The following DCLK1 variants were observed in gnomAD, a reference collection of about 807,000 sequenced individuals.
DCLK1 encodes the protein doublecortin like kinase 1.
DCLK1 carries 16 observed loss-of-function variants against 86.2 expected under a neutral mutation model. The observed-to-expected ratio is 0.19, with a 90% CI of 0.13 to 0.28. The LOEUF (loss-of-function observed/expected upper bound fraction) is 0.28, where lower values mean the gene tolerates loss of function less well. DCLK1 is among the 10% of genes least tolerant of loss of function. The probability of loss-of-function intolerance (pLI) is 1.00; values close to 1 mark genes in which losing one functional copy is unlikely to be tolerated. For missense variants in DCLK1, 590 were observed against 940.2 expected, an observed-to-expected ratio of 0.63 and a Z score of 4.87; for synonymous variants, 369 against 370.5, an observed-to-expected ratio of 1.00 and a Z score of 0.05.
intron 16 of DCLK1, among the ~76,000 whole-genome samples, chr13:35,783,458 T>A (rs2153098086): frequency 6.6e-6 from 1 of 152,296 alleles, no homozygotes; most frequent in South Asian, 2.1e-4. Flanking sequence ...ACAGAGAATG[T>A]AACTCGCCCA....
chr13:36,036,532 C>A (rs1285087987), intron 3 of DCLK1, among the ~76,000 whole-genome samples: 1 of 152,132 alleles, frequency 6.6e-6, no homozygotes, highest in African/African-American at 2.4e-5. Flanking sequence ...CACTAGACCA[C>A]CATTTACTAC....
intron 3 of DCLK1, among the ~76,000 whole-genome samples, chr13:36,015,357 A>C (rs1881499622): frequency 1.3e-5 from 2 of 152,218 alleles, no homozygotes; most frequent in African/African-American, 4.8e-5. Flanking sequence ...GCTGTTTTGC[A>C]GTAAAACCTG....
intron 3 of DCLK1, among the ~76,000 whole-genome samples, chr13:35,967,491 T>C (rs1432566519): frequency 1.3e-5 from 2 of 152,258 alleles, no homozygotes; most frequent in African/African-American, 4.8e-5. Context: ...AGAAAAATTC[T>C]TCTGCCTTGG....
At chr13:36,050,951 C>T (rs1883100813) in intron 3 of DCLK1, among the ~76,000 whole-genome samples, 1 of 152,050 alleles carries the variant, frequency 6.6e-6, no homozygotes, top group Non-Finnish European at 1.5e-5. Context: ...TTAAACTTGG[C>T]CTGTAAGCCC....
chr13:35,866,483 C>T (rs1871799586), intron 5 of DCLK1, among the ~76,000 whole-genome samples: 1 of 83,068 alleles, frequency 1.2e-5, no homozygotes, highest in African/African-American at 4.2e-5. Context: ...GACAGGGTCT[C>T]ACTCAGTCAT....
chr13:36,027,682 C>G lies in DCLK1; in HGVS notation c.724-80225G>C, dbSNP rs140169915. Among the ~76,000 whole-genome samples the G allele has an allele frequency of 5.2e-3, 788 of 152,278 alleles. 8 individuals carry two copies. The highest frequency in any genetic ancestry group is 0.027 in the Middle Eastern group (8 of 294). ...TTTCTATATGTGAAGAAAAATATTT[C>G]TTTACCTAGTACATTAGCTGGGGCA... is the stretch of plus-strand genomic sequence containing the variant. On this transcript the variant is annotated intron_variant, in intron 3 of 16. Transcript: ENST00000360631.
intron 3 of DCLK1, among the ~76,000 whole-genome samples, chr13:35,949,067 C>G (rs975498572): frequency 1.3e-5 from 2 of 152,106 alleles, no homozygotes; most frequent in African/African-American, 4.8e-5. Flanking sequence ...TGAATGCCTA[C>G]CACGCTCCAA....
At chr13:35,995,280 G>C (rs1470304909) in intron 3 of DCLK1, among the ~76,000 whole-genome samples, 2 of 152,122 alleles carry the variant, frequency 1.3e-5, no homozygotes, top group Non-Finnish European at 1.5e-5. Context: ...TGTCTACAAG[G>C]ATTCAGTGGA....
intron 1 of DCLK1, among the ~76,000 whole-genome samples, chr13:36,129,636 C>T (rs2138229587): frequency 6.6e-6 from 1 of 152,338 alleles, no homozygotes; most frequent in African/African-American, 2.4e-5. Flanking sequence ...ACTGGCCTTC[C>T]ACAGGTTTAC....
At chr13:35,887,454 G>A (rs554116277) in intron 4 of DCLK1, among the ~76,000 whole-genome samples, 23 of 152,238 alleles carry the variant, frequency 1.5e-4, no homozygotes, top group South Asian at 1.0e-3. Flanking sequence ...TTCTGGCTGC[G>A]TGATCTGGTT....
intron 5 of DCLK1, among the ~76,000 whole-genome samples, chr13:35,865,536 T>G (rs2153113332): frequency 6.6e-6 from 1 of 152,318 alleles, no homozygotes; most frequent in Admixed American, 6.5e-5. Context: ...CTTTCAGCCT[T>G]TTCTGTTATG....
chr13:36,033,500 C>T (rs151000608), intron 3 of DCLK1, among the ~76,000 whole-genome samples: 52 of 152,202 alleles, frequency 3.4e-4, no homozygotes, highest in African/African-American at 7.5e-4. Context: ...ATTGGTGTGA[C>T]TCAATATTGG....
chr13:35,879,330 G>A lies in DCLK1; in HGVS notation c.824-7990C>T, dbSNP rs570747549. The stretch of plus-strand genomic sequence containing the variant: ...CGCCCACGTGTTCCTCCACCTGCAC[G>A]GGGCTCTAGAGGCACTGCTGGGAGC... On this transcript the variant is annotated intron_variant, in intron 4 of 16. Coordinates refer to ENST00000360631, the MANE Select transcript of DCLK1 (RefSeq NM_001330071.2). Among the ~76,000 whole-genome samples the A allele has an allele frequency of 3.3e-5, 5 of 152,230 alleles. No homozygotes were observed. In the East Asian group the frequency reaches 5.8e-4, roughly 18 times the overall value.
intron 3 of DCLK1, among the ~76,000 whole-genome samples, chr13:36,020,886 A>G (rs1881749019): frequency 6.6e-6 from 1 of 152,238 alleles, no homozygotes; most frequent in Admixed American, 6.5e-5. Context: ...AAATGAAAGG[A>G]CACAAGACAT....
chr13:36,120,879 T>G (rs1274659000), intron 2 of DCLK1, among the ~76,000 whole-genome samples: 1 of 152,200 alleles, frequency 6.6e-6, no homozygotes, highest in Non-Finnish European at 1.5e-5. Flanking sequence ...TTGTTGAGGA[T>G]AGAGAAACGG....
At chr13:36,060,576 T>C (rs996368574) in intron 3 of DCLK1, among the ~76,000 whole-genome samples, 5 of 152,202 alleles carry the variant, frequency 3.3e-5, no homozygotes, top group Non-Finnish European at 4.4e-5. Context: ...AGCGTGTGTG[T>C]TGACTGGCAG....
intron 3 of DCLK1, among the ~76,000 whole-genome samples, chr13:36,109,784 C>T (rs569000235): frequency 6.6e-6 from 1 of 152,270 alleles, no homozygotes; most frequent in African/African-American, 2.4e-5. Flanking sequence ...CATTAAACCT[C>T]GGATTCCGTC....
At chr13:35,798,329 T>C (rs2086853667) in intron 15 of DCLK1, among the ~76,000 whole-genome samples, 1 of 152,218 alleles carries the variant, frequency 6.6e-6, no homozygotes, top group Non-Finnish European at 1.5e-5. Flanking sequence ...CTCATCCCCT[T>C]GCGGATTTTT....
intron 5 of DCLK1, among the ~76,000 whole-genome samples, chr13:35,865,541 G>A (rs1871726659): frequency 6.6e-6 from 1 of 152,148 alleles, no homozygotes; most frequent in African/African-American, 2.4e-5. Flanking sequence ...AGCCTTTTCT[G>A]TTATGGAGAC....
Sources: allele counts gnomAD v4.1 joint callset (sites outside exome capture counted in the v4.1 genomes callset), GRCh38; gene constraint gnomAD v4.1.1; transcripts MANE v1.5; gene names NCBI Gene and HGNC (gene_info 2026-07-23, HGNC 2026-07-21).